ARHGEF11: variants seen among roughly 807,000 people sequenced by gnomAD.
The protein encoded by ARHGEF11 is Rho guanine nucleotide exchange factor 11.
In ARHGEF11, 55 loss-of-function variants were observed where a neutral mutation model predicts 193.7. The observed-to-expected ratio is 0.28, with a 90% CI of 0.23 to 0.36. The LOEUF (loss-of-function observed/expected upper bound fraction) is 0.36, where lower values mean the gene tolerates loss of function less well. ARHGEF11 is among the 10% of genes least tolerant of loss of function. The pLI is 1.00. For synonymous variants in ARHGEF11, 693 were observed against 768.0 expected (o/e 0.90, Z 1.62); for missense variants, 1,723 against 2,005.6 (o/e 0.86, Z 2.69).
intron 32 of ARHGEF11, 48 bp downstream of exon 32, chr1:156,943,887 G>C: frequency 1.3e-6 from 2 of 1,572,110 alleles, no homozygotes; most frequent in South Asian, 2.4e-5. Context: ...GCACTTGCTG[G>C]ACATGGTCCC....
rs773488750 is a variant in ARHGEF11 at position 156,937,242 on chromosome 1, C to T, written c.4440+7G>A. 4.3e-6 allele frequency: 7 copies of T among 1,611,334 alleles called. No homozygotes were observed. Among genetic ancestry groups the T allele is most frequent in the African/African-American group, 1.4e-5 (1 of 72,660 alleles). On this transcript the variant is annotated splice_region_variant and intron_variant, in intron 39 of 40. Transcript: ENST00000368194. ...GCCTGCAGGGACCCAAGCCCTGCTT[C>T]CCTCACCTTGAGCCTGTTGAGCTTG...
chr1:156,959,365 T>A (rs959750710), intron 15 of ARHGEF11, among the ~76,000 whole-genome samples: 1 of 152,154 alleles, frequency 6.6e-6, no homozygotes, highest in African/African-American at 2.4e-5. Flanking sequence ...AGGACAAAAA[T>A]ATTTTCTGGA....
At chr1:157,033,363 G>A (rs939398893) in intron 1 of ARHGEF11, among the ~76,000 whole-genome samples, 5 of 151,912 alleles carry the variant, frequency 3.3e-5, no homozygotes, top group Admixed American at 6.6e-5. Context: ...AATCAACTTC[G>A]TAACCTCTGA....
intron 1 of ARHGEF11, among the ~76,000 whole-genome samples, chr1:156,993,879 T>C (rs1416054679): frequency 6.6e-6 from 1 of 152,116 alleles, no homozygotes; most frequent in East Asian, 1.9e-4. Context: ...AGACAAATGG[T>C]CTCTGGCAGT....
chr1:156,947,023 AG>A lies in ARHGEF11; in HGVS notation c.2489-9del. ...TGGCTTCACACCAGGAATCTGGGGC[AG>A]GAAGAGAACAAATAGAAATGCCTGG... On this transcript the variant is annotated splice_polypyrimidine_tract_variant and intron_variant, in intron 26 of 40. Transcript: ENST00000368194. 6.2e-7 allele frequency: 1 copy of A among 1,614,158 alleles called. No individual in the cohort carries two copies.
chr1:157,037,089 T>C (rs1323842530), intron 1 of ARHGEF11, among the ~76,000 whole-genome samples: 1 of 152,136 alleles, frequency 6.6e-6, no homozygotes, highest in Non-Finnish European at 1.5e-5. Flanking sequence ...GATCGTGCCA[T>C]GGCACTGTAG....
intron 1 of ARHGEF11, among the ~76,000 whole-genome samples, chr1:157,012,444 C>A (rs890583476): frequency 6.6e-6 from 1 of 152,000 alleles, no homozygotes; most frequent in Non-Finnish European, 1.5e-5. Flanking sequence ...AATCACTTAA[C>A]CATATAATTT....
chr1:156,954,666 C>T (rs1158638865), intron 21 of ARHGEF11, among the ~76,000 whole-genome samples: 4 of 152,346 alleles, frequency 2.6e-5, no homozygotes, highest in African/African-American at 9.6e-5. Flanking sequence ...GACAAGGTCT[C>T]GTACCTGGCA....
In ARHGEF11 at chr1:156,946,929, GC is replaced by G; in HGVS notation, c.2568+6del. The G allele has an allele frequency of 6.2e-7, 1 of 1,613,932 alleles. No homozygotes were observed. Among genetic ancestry groups the G allele is most frequent in the South Asian group, 1.1e-5 (1 of 91,066 alleles). ...CCTTGCCAAGAGGGAGAAGTTTGGA[GC>G]CATACCCGGGCCAGCATGAGGTCAC... On this transcript the variant is annotated splice_donor_region_variant and intron_variant, in intron 27 of 40. Coordinates refer to ENST00000368194, the MANE Select transcript of ARHGEF11 (RefSeq NM_198236.3).
At chr1:156,944,319 C>T (rs1211735968) in intron 31 of ARHGEF11, 39 bp downstream of exon 31, 2 of 1,606,464 alleles carry the variant, frequency 1.2e-6, no homozygotes, top group South Asian at 2.2e-5. Context: ...GGCCCACCCA[C>T]TACAGGTTCC....
chr1:156,944,539 A>G (rs1409229755), intron 30 of ARHGEF11, 106 bp from the exon 31 acceptor site: 1 of 1,252,828 alleles, frequency 8.0e-7, no homozygotes, highest in African/African-American at 1.5e-5. Flanking sequence ...GGAATTGGTA[A>G]ATAAGAAAAA....
chr1:156,938,508 C>T lies in ARHGEF11; in HGVS notation c.4102G>A (p.Val1368Met), dbSNP rs1223081555. 1.9e-6 allele frequency: 3 copies of T among 1,612,824 alleles called. No homozygotes were observed. The highest frequency in any genetic ancestry group is 1.7e-5 in the Admixed American group (1 of 59,874). The change falls in exon 38 of 41, where the codon GTG (valine) becomes ATG (methionine). Residue 1368 changes from valine to methionine, a missense_variant. This residue lies in a region of ARHGEF11 where 360 missense variants were observed against 344.4 expected (regional missense o/e 1.05). Transcript: ENST00000368194. ...GCAGGGACAACCTTGCTGCCTGCCA[C>T]CTCAGCTGCACCGACACCACCACCA... ...GGYKVVRKAE[V>M]AGSKVVPALP...
intron 35 of ARHGEF11, 72 bp downstream of exon 35, chr1:156,941,300 A>G: frequency 6.7e-7 from 1 of 1,487,250 alleles, no homozygotes; most frequent in Non-Finnish European, 9.4e-7. Flanking sequence ...CATCGCCCCC[A>G]TACTCACACC....
intron 29 of ARHGEF11, chr1:156,945,799 T>G: frequency 2.4e-6 from 1 of 417,374 alleles, no homozygotes; most frequent in Non-Finnish European, 4.4e-6. Flanking sequence ...TTTCCTTGGA[T>G]TTGCACAAAG....
At chr1:156,953,368 T>G (rs1429561387) in intron 21 of ARHGEF11, among the ~76,000 whole-genome samples, 1 of 152,006 alleles carries the variant, frequency 6.6e-6, no homozygotes, top group African/African-American at 2.4e-5. Context: ...GAGCCAGGAG[T>G]TCAAGGCTGT....
intron 4 of ARHGEF11, among the ~76,000 whole-genome samples, chr1:156,979,984 T>C (rs1272338590): frequency 1.3e-5 from 2 of 152,322 alleles, no homozygotes; most frequent in East Asian, 3.9e-4. Flanking sequence ...CCCACTATGT[T>C]GCCCAGGCTA....
At chr1:157,029,330 C>A (rs527541398) in intron 1 of ARHGEF11, among the ~76,000 whole-genome samples, 10 of 151,998 alleles carry the variant, frequency 6.6e-5, no homozygotes, top group Admixed American at 5.9e-4. Flanking sequence ...AGTACAATGG[C>A]GCAATCTCAG....
rs147059065 is a variant in ARHGEF11, at chr1:156,986,001, T to C, written c.124+81A>G. ...CTCTTCGGCTCAAGCGATCCTCCCA[T>C]TGGCCTCCCAAGTAGCTGGGAATAC... On this transcript the variant is annotated intron_variant, in intron 2 of 40. Coordinates refer to ENST00000368194, the MANE Select transcript of ARHGEF11 (RefSeq NM_198236.3). The C allele has an allele frequency of 8.4e-4, 1,009 of 1,196,104 alleles. 20 individuals carry two copies. The East Asian group carries it at 0.023, about 27-fold the overall frequency. The allele number at this position is 1,196,104 out of a possible 1,614,324, so 74.1% of individuals were successfully genotyped here.
chr1:157,011,398 T>G (rs1251434645), intron 1 of ARHGEF11, among the ~76,000 whole-genome samples: 1 of 152,124 alleles, frequency 6.6e-6, no homozygotes. Flanking sequence ...AACATAGGAA[T>G]AAATCTTTGT....
Sources: gnomAD v4.1 joint callset for allele counts (sites outside exome capture counted in the v4.1 genomes callset) on GRCh38, gnomAD v4.1.1 for gene constraint, gnomAD v4.1.1 regional missense constraint, MANE v1.5 for transcripts, NCBI Gene and HGNC (gene_info 2026-07-23, HGNC 2026-07-21) for gene names.